ZNF101: variants seen among roughly 807,000 people sequenced by gnomAD.
ZNF101 encodes the protein zinc finger protein 101 (Y2).
A neutral mutation model predicts 42.6 loss-of-function variants in ZNF101; 34 were observed. That is an observed-to-expected ratio of 0.80 (90% CI 0.61 to 1.06). The LOEUF (loss-of-function observed/expected upper bound fraction) is 1.06, where lower values mean the gene tolerates loss of function less well. Ranked by LOEUF, ZNF101 falls within the 50% of genes least tolerant of loss-of-function variation. The probability of loss-of-function intolerance (pLI) is 0.00; values close to 1 mark genes in which losing one functional copy is unlikely to be tolerated. For synonymous variants in ZNF101, 158 were observed against 183.9 expected (o/e 0.86, Z 1.14); for missense variants, 466 against 530.9 (o/e 0.88, Z 1.20).
chr19:19,670,238 G>A (rs1214279445), intron 1 of ZNF101, among the ~76,000 whole-genome samples: 2 of 152,126 alleles, frequency 1.3e-5, no homozygotes, highest in East Asian at 3.9e-4. Context: ...TTGGGGGTGG[G>A]GTGGGGCCAG....
rs1400089840 is a variant in ZNF101, at chr19:19,679,958, G to A, written c.969G>A (p.Thr323=). The A allele has an allele frequency of 2.1e-5, 34 of 1,613,670 alleles. No individual in the cohort carries two copies. The highest frequency in any genetic ancestry group is 2.7e-5 in the Non-Finnish European group (32 of 1,179,944). Residue 323 remains threonine (T), a synonymous_variant, in exon 4 of 4, where the codon ACG becomes ACA. Coordinates refer to ENST00000592502, the MANE Select transcript of ZNF101 (RefSeq NM_033204.4). The part of the protein sequence containing the change: ...QKCAKVFRCP[T]SLQAHERAHT... ...GTGCCAAAGTCTTTAGATGTCCCACGTCCCTTCAAGCACATGAAAGAGCTC... is the reference window on the plus strand; with the variant it reads ...GTGCCAAAGTCTTTAGATGTCCCACATCCCTTCAAGCACATGAAAGAGCTC...
At chr19:19,668,636 G>T (rs1372048359), upstream of ZNF101, among the ~76,000 whole-genome samples, 6 of 152,100 alleles carry the variant, frequency 3.9e-5, no homozygotes, top group African/African-American at 1.4e-4. Context: ...GAGGGGCTGT[G>T]GGTAGCACCT....
chr19:19,677,947 C>T lies in ZNF101; in HGVS notation c.87C>T (p.Tyr29=), dbSNP rs2062212776. 6.2e-7 allele frequency: 1 copy of T among 1,612,384 alleles called. No individual in the cohort carries two copies. Among genetic ancestry groups the T allele is most frequent in the South Asian group, 1.1e-5 (1 of 91,066 alleles). Residue 29 remains tyrosine, a synonymous_variant, in exon 2 of 4, where the codon TAC becomes TAT. Transcript: ENST00000592502. ...ALLSPSQKNL[Y]RDVTLETFRN... ...TGAGTCCTTCCCAGAAGAATCTCTA[C>T]AGAGATGTGACGCTGGAAACCTTCA...
chr19:19,671,335 T>C (rs2062168270), intron 1 of ZNF101, among the ~76,000 whole-genome samples: 1 of 152,132 alleles, frequency 6.6e-6, no homozygotes, highest in African/African-American at 2.4e-5. Flanking sequence ...ACTGAATAGT[T>C]TATTATGGAA....
upstream of ZNF101, among the ~76,000 whole-genome samples, chr19:19,668,509 C>T (rs1191260877): frequency 6.6e-6 from 1 of 151,762 alleles, no homozygotes; most frequent in East Asian, 1.9e-4. Flanking sequence ...AGTTGTGTGG[C>T]GGTCACAAAG....
rs754839970 is a variant in ZNF101, at chr19:19,679,462, G to A, written c.473G>A (p.Arg158Gln). ...TCCATTTCCCCCAGTAGTGGTGCAC[G>A]GCGCACAGTAACACCAACTCGAAAG... Reference protein sequence around the residue: ...KASISPSSGARRTVTPTRKRP... With the variant: ...KASISPSSGAQRTVTPTRKRP... The change falls in exon 4 of 4, where the codon CGG (arginine) becomes CAG (glutamine). Residue 158 changes from arginine (R) to glutamine (Q), a missense_variant. Physicochemically the swap from Arg to Gln is conservative, Grantham distance 43 (BLOSUM62 1). Coordinates refer to ENST00000592502, the MANE Select transcript of ZNF101 (RefSeq NM_033204.4). 101 of 1,613,962 alleles carry A rather than the reference G, an allele frequency of 6.3e-5. 1 individual carries two copies. The highest frequency in any genetic ancestry group is 4.9e-4 in the Middle Eastern group (3 of 6,084).
At chr19:19,678,680 G>T in intron 2 of ZNF101, 46 bp from the exon 3 acceptor site, 1 of 1,506,558 alleles carries the variant, frequency 6.6e-7, no homozygotes. Flanking sequence ...TGATTTTTCT[G>T]TAATTTTAAA....
intron 1 of ZNF101, among the ~76,000 whole-genome samples, chr19:19,669,298 C>G (rs1024438636): frequency 6.6e-6 from 1 of 152,144 alleles, no homozygotes; most frequent in Non-Finnish European, 1.5e-5. Context: ...CCTGTGGGGT[C>G]CCCAGTTCCT....
intron 3 of ZNF101, 120 bp from the exon 4 acceptor site, chr19:19,679,061 A>C: frequency 6.9e-7 from 1 of 1,457,446 alleles, no homozygotes. Flanking sequence ...AATAATTCTG[A>C]CCCAGGAGAA....
chr19:19,677,834 C>T lies in ZNF101; in HGVS notation c.4-30C>T, dbSNP rs529113509. On this transcript the variant is annotated intron_variant, in intron 1 of 3. Transcript: ENST00000592502. ...AGATCCCCAGTGCTGAGTCTCACCCCTCCTCCTCCACACCTGTGGGATGTT... is the reference window on the plus strand; with the variant it reads ...AGATCCCCAGTGCTGAGTCTCACCCTTCCTCCTCCACACCTGTGGGATGTT... 5 of 1,604,278 alleles carry T rather than the reference C, an allele frequency of 3.1e-6. No individual in the cohort carries two copies. In the African/African-American group the frequency reaches 4.0e-5, roughly 13 times the overall value.
rs754374535 is a variant in ZNF101 at position 19,681,922 on chromosome 19, C to CTTTTTTTTTTTTTTT, written c.*1626_*1640dup. 4 of 124,902 alleles carry CTTTTTTTTTTTTTTT rather than the reference C, an allele frequency of 3.2e-5. No homozygotes were observed. The highest frequency in any genetic ancestry group is 3.4e-5 in the Non-Finnish European group (2 of 59,646). 7.7% of individuals were successfully genotyped at this position (124,902 alleles called of 1,614,324 possible). On this transcript the variant is annotated 3_prime_UTR_variant, in exon 4 of 4. Transcript: ENST00000592502. ...ATCAGTGGCTCATTCTTTTTTCTTT[C>CTTTTTTTTTTTTTTT]TTTTTTTTTTTTTTTTTTGAGATGG...
chr19:19,677,730 T>TAGAG (rs138951574), intron 1 of ZNF101, 134 bp from the exon 2 acceptor site: 979,402 of 1,337,860 alleles, frequency 0.73, 361,271 homozygotes, highest in African/African-American at 0.89. Context: ...TGCGTGTAGA[T>TAGAG]AGGAGGAGGC....
chr19:19,683,406 T>C lies in ZNF101; in HGVS notation c.*3106T>C, dbSNP rs1027219103. 9 of 152,198 alleles carry C rather than the reference T, an allele frequency of 5.9e-5. No individual in the cohort carries two copies. The highest frequency in any genetic ancestry group is 1.9e-4 in the East Asian group (1 of 5,208). 9.4% of individuals were successfully genotyped at this position (152,198 alleles called of 1,614,324 possible). On this transcript the variant is annotated 3_prime_UTR_variant, in exon 4 of 4. Transcript: ENST00000592502. ...TTGACTTAAGGATAGCCCTGTGATA[T>C]GACAATATTTTTATCTAATCTGATG...
In ZNF101 at chr19:19,679,201, G is replaced by C. The variant is rs755052531; in HGVS notation, c.212G>C (p.Cys71Ser). 2.5e-6 allele frequency: 4 copies of C among 1,613,580 alleles called. No homozygotes were observed. The African/African-American group carries it at 5.3e-5, about 22-fold the overall frequency. ...IKLRSLVERL[C>S]GRKEGNEHRE... ...CATAGAAGTCTGGTGGAGAGACTCT[G>C]TGGACGTAAAGAAGGGAATGAACAC... Residue 71 changes from cysteine (C) to serine (S), a missense_variant, in exon 4 of 4, where the codon TGT becomes TCT. Coordinates refer to ENST00000592502, the MANE Select transcript of ZNF101 (RefSeq NM_033204.4).
At chr19:19,675,438 A>T (rs1308622187) in intron 1 of ZNF101, among the ~76,000 whole-genome samples, 4 of 148,664 alleles carry the variant, frequency 2.7e-5, no homozygotes, top group South Asian at 4.2e-4. Flanking sequence ...GTGCCTGGCT[A>T]TTTTTTTTTT....
At position 19,681,340 on chromosome 19, in the gene ZNF101, A is replaced by G. The variant is rs1179021488; in HGVS notation, c.*1040A>G. The G allele has an allele frequency of 6.6e-6, 1 of 152,254 alleles. No individual in the cohort carries two copies. Among genetic ancestry groups the G allele is most frequent in the Non-Finnish European group, 1.5e-5 (1 of 68,056 alleles). The allele number at this position is 152,254 out of a possible 1,614,324, so 9.4% of individuals were successfully genotyped here. ...GGAAACTCTCATTGCTCTCATCTCC[A>G]TTCAAAGACACGTGTCAGTGCACAC... On this transcript the variant is annotated 3_prime_UTR_variant, in exon 4 of 4. Transcript: ENST00000592502.
chr19:19,670,993 A>C (rs757460280), intron 1 of ZNF101, among the ~76,000 whole-genome samples: 19 of 152,088 alleles, frequency 1.2e-4, no homozygotes, highest in Non-Finnish European at 2.6e-4. Flanking sequence ...GTAGTCCCAG[A>C]TATTCTGGAG....
chr19:19,669,851 C>T (rs2062157840), intron 1 of ZNF101, among the ~76,000 whole-genome samples: 1 of 152,110 alleles, frequency 6.6e-6, no homozygotes, highest in Admixed American at 6.6e-5. Context: ...AGTTCATTTT[C>T]CGTTTGTGAA....
At position 19,683,253 on chromosome 19, in the gene ZNF101, A is replaced by G. The variant is rs2062248622; in HGVS notation, c.*2953A>G. Reference sequence around the variant, plus strand: ...CAATGTTGACTCCATTTTCTTTGCTAATAAGGACTTGGTATCAATTTATCA... The same window carrying G: ...CAATGTTGACTCCATTTTCTTTGCTGATAAGGACTTGGTATCAATTTATCA... On this transcript the variant is annotated 3_prime_UTR_variant, in exon 4 of 4. Transcript: ENST00000592502. 1 of 152,188 alleles carries G rather than the reference A, an allele frequency of 6.6e-6. No individual in the cohort carries two copies. Among genetic ancestry groups the G allele is most frequent in the Admixed American group, 6.6e-5 (1 of 15,264 alleles). 9.4% of individuals were successfully genotyped at this position (152,188 alleles called of 1,614,324 possible).
Sources: allele counts gnomAD v4.1 joint callset (sites outside exome capture counted in the v4.1 genomes callset), GRCh38; gene constraint gnomAD v4.1.1; transcripts MANE v1.5; gene names NCBI Gene and HGNC (gene_info 2026-07-23, HGNC 2026-07-21).